SPATA6: variants seen among roughly 807,000 people sequenced by gnomAD.
The protein encoded by SPATA6 is spermatogenesis-associated protein 6.
SPATA6 carries 56 observed loss-of-function variants against 65.3 expected under a neutral mutation model. The observed-to-expected ratio is 0.86, with a 90% CI of 0.69 to 1.07. The LOEUF is 1.07. Among genes scored for constraint, SPATA6 ranks in the 50% least tolerant of loss-of-function variants. The pLI is 0.00. For missense variants in SPATA6, 590 were observed against 594.8 expected (o/e 0.99, Z 0.08); for synonymous variants, 199 against 213.2 (o/e 0.93, Z 0.58).
intron 9 of SPATA6, among the ~76,000 whole-genome samples, chr1:48,381,167 G>A (rs1213895926): frequency 1.3e-5 from 2 of 152,122 alleles, no homozygotes; most frequent in Non-Finnish European, 2.9e-5. Context: ...CTGTGGTGTG[G>A]CCCAGTTCCT....
At chr1:48,275,176 TG>T in the SPATA6 span, among the ~76,000 whole-genome samples, 24 of 152,366 alleles carry the variant, frequency 1.6e-4, no homozygotes, top group African/African-American at 5.1e-4. Flanking sequence ...TTGTAATTTT[TG>T]CACATTGATT....
chr1:48,453,114 G>C lies in SPATA6; in HGVS notation c.69C>G (p.Val23=), dbSNP rs376652307. Residue 23 remains valine (V), a synonymous_variant, in exon 2 of 13, where the codon GTC becomes GTG. Transcript: ENST00000371847. ...AGATGTCCTCTTTGTCTTTAAGCACGACTCCTGGGCAAGTTACCTGAAAGA... is the reference window on the plus strand; with the variant it reads ...AGATGTCCTCTTTGTCTTTAAGCACCACTCCTGGGCAAGTTACCTGAAAGA... The part of the protein sequence containing the change: ...LEISSVTCPG[V]VLKDKEDIYL... The C allele has an allele frequency of 6.2e-7, 1 of 1,612,322 alleles. No homozygotes were observed. The highest frequency in any genetic ancestry group is 8.5e-7 in the Non-Finnish European group (1 of 1,179,454).
chr1:48,329,776 A>C (rs1645863437), intron 11 of SPATA6, among the ~76,000 whole-genome samples: 1 of 152,214 alleles, frequency 6.6e-6, no homozygotes, highest in Non-Finnish European at 1.5e-5. Context: ...AGCTCAGCGC[A>C]GAACCAGGAG....
chr1:48,374,925 G>A (rs185587214), intron 9 of SPATA6, among the ~76,000 whole-genome samples: 1 of 152,126 alleles, frequency 6.6e-6, no homozygotes, highest in Non-Finnish European at 1.5e-5. Flanking sequence ...TGTCAAGGTA[G>A]TGCTCTCCCA....
chr1:48,445,430 A>G (rs543385812), intron 3 of SPATA6, among the ~76,000 whole-genome samples: 36 of 152,112 alleles, frequency 2.4e-4, no homozygotes, highest in East Asian at 7.8e-4. Flanking sequence ...TTGGGAGGCC[A>G]AGGCGGGTGA....
At chr1:48,384,084 G>A (rs1272951792) in intron 9 of SPATA6, among the ~76,000 whole-genome samples, 6 of 149,370 alleles carry the variant, frequency 4.0e-5, no homozygotes, top group African/African-American at 9.8e-5. Flanking sequence ...CTGCAATCCC[G>A]GCACCTCGGG....
chr1:48,436,264 C>A (rs113740391), intron 3 of SPATA6: 5 of 1,613,624 alleles, frequency 3.1e-6, no homozygotes, highest in Non-Finnish European at 3.4e-6. Flanking sequence ...CAATGAAGAA[C>A]GCCTGAAAGC....
chr1:48,271,447 T>A, the SPATA6 span, among the ~76,000 whole-genome samples: 3 of 152,298 alleles, frequency 2.0e-5, no homozygotes, highest in Admixed American at 6.5e-5. Flanking sequence ...CTCATCCTTT[T>A]CATTTTTATG....
At chr1:48,288,669 T>A in the SPATA6 span, among the ~76,000 whole-genome samples, 1 of 152,104 alleles carries the variant, frequency 6.6e-6, no homozygotes, top group Non-Finnish European at 1.5e-5. Flanking sequence ...TTTCCAATAG[T>A]CTTGGCAAAC....
Position 48,298,160 on chromosome 1 carries a change from T to C in SPATA6, c.*553A>G, listed in dbSNP as rs905027054. 3 of 152,182 alleles carry C rather than the reference T, an allele frequency of 2.0e-5. No individual in the cohort carries two copies. Among genetic ancestry groups the C allele is most frequent in the African/African-American group, 7.2e-5 (3 of 41,456 alleles). 9.4% of individuals were successfully genotyped at this position (152,182 alleles called of 1,614,324 possible). On this transcript the variant is annotated 3_prime_UTR_variant, in exon 13 of 13. Transcript: ENST00000371847. ...AAGGAGTGAATGATCATATAGTCTT[T>C]AAAAAGAAAGCCTATGAGCTAAGAA... is the stretch of plus-strand genomic sequence containing the variant.
In SPATA6 at chr1:48,424,207, T is replaced by C. The variant is rs368693315; in HGVS notation, c.239-11056A>G. On this transcript the variant is annotated intron_variant, in intron 3 of 12. Coordinates refer to ENST00000371847, the MANE Select transcript of SPATA6 (RefSeq NM_019073.4). ...CTACTCTTATCTCCATGAGTTCAAC[T>C]GATTTGATTTTTAGATCCTACAAAT... is the stretch of plus-strand genomic sequence containing the variant. 3.5e-4 allele frequency among the ~76,000 whole-genome samples: 54 copies of C among 152,314 alleles called. No individual in the cohort carries two copies. The East Asian group carries it at 8.3e-3, about 23-fold the overall frequency.
chr1:48,380,986 T>G (rs1648504239), intron 9 of SPATA6, among the ~76,000 whole-genome samples: 2 of 152,214 alleles, frequency 1.3e-5, no homozygotes, highest in African/African-American at 2.4e-5. Context: ...ATGAAACTGT[T>G]CCACCTCAGA....
At chr1:48,394,971 A>G (rs575505597) in intron 8 of SPATA6, among the ~76,000 whole-genome samples, 1 of 152,056 alleles carries the variant, frequency 6.6e-6, no homozygotes, top group East Asian at 1.9e-4. Context: ...ATGTTGAGTA[A>G]AAGTAAATTA....
In SPATA6 at chr1:48,344,860, C is replaced by T. The variant is rs182218090; in HGVS notation, c.1194+10810G>A. Among the ~76,000 whole-genome samples, 344 of 152,168 alleles carry T rather than the reference C, an allele frequency of 2.3e-3. 3 individuals carry two copies. Among genetic ancestry groups the T allele is most frequent in the Non-Finnish European group, 3.6e-3 (245 of 68,006 alleles). On this transcript the variant is annotated intron_variant, in intron 11 of 12. Transcript: ENST00000371847. ...TACATATGCACCCAACACAGGAGCA[C>T]GCAGATTTATAAAGCAAGTTCTTAG...
At chr1:48,422,935 C>T (rs570613641) in intron 3 of SPATA6, among the ~76,000 whole-genome samples, 49 of 151,908 alleles carry the variant, frequency 3.2e-4, no homozygotes, top group African/African-American at 1.1e-3. Context: ...CATAATAATC[C>T]AAAATTTAAA....
intron 9 of SPATA6, among the ~76,000 whole-genome samples, chr1:48,375,288 C>A (rs946811732): frequency 6.6e-6 from 1 of 151,806 alleles, no homozygotes; most frequent in Non-Finnish European, 1.5e-5. Flanking sequence ...AGGGAGAAAT[C>A]TGTCTCATTA....
At chr1:48,301,349 T>C (rs563630519) in intron 12 of SPATA6, among the ~76,000 whole-genome samples, 3 of 150,642 alleles carry the variant, frequency 2.0e-5, no homozygotes, top group Admixed American at 2.0e-4. Flanking sequence ...AAAACACTGA[T>C]GAAAGAAACT....
At position 48,472,203 on chromosome 1, in the gene SPATA6, A is replaced by G. The variant is rs993394559; in HGVS notation, c.-195T>C. 9 of 488,286 alleles carry G rather than the reference A, an allele frequency of 1.8e-5. No individual in the cohort carries two copies. Among genetic ancestry groups the G allele is most frequent in the Admixed American group, 4.3e-5 (1 of 23,216 alleles). 30.2% of individuals were successfully genotyped at this position (488,286 alleles called of 1,614,324 possible). A position where few individuals can be genotyped will look rare whatever the true frequency, so the allele number is the denominator to read the frequency against. On this transcript the variant is annotated 5_prime_UTR_variant, in exon 1 of 13. The change abolishes an upstream ATG in the 5' untranslated region. Transcript: ENST00000371847. ...GAGCGCGGGGCGCAGACTCGTTGTC[A>G]TGGCAGCCAGGAGGGGCGGGGCCGG... is the stretch of plus-strand genomic sequence containing the variant.
chr1:48,338,472 T>A (rs1646121342), intron 11 of SPATA6, among the ~76,000 whole-genome samples: 1 of 152,038 alleles, frequency 6.6e-6, no homozygotes, highest in Admixed American at 6.6e-5. Flanking sequence ...GAGATAAGGA[T>A]CTATCAGGGC....
Sources: allele counts gnomAD v4.1 joint callset (sites outside exome capture counted in the v4.1 genomes callset), GRCh38; gene constraint gnomAD v4.1.1; transcripts MANE v1.5; gene names NCBI Gene and HGNC (gene_info 2026-07-23, HGNC 2026-07-21).